Variants in PROM1 observed in about 807,000 individuals in gnomAD.
PROM1 encodes prominin-1.
A neutral mutation model predicts 116.9 loss-of-function variants in PROM1; 105 were observed. The observed-to-expected ratio is 0.90, with a 90% confidence interval of 0.77 to 1.06. PROM1 has a LOEUF of 1.06. Among genes scored for constraint, PROM1 ranks in the 50% least tolerant of loss-of-function variants. PROM1 has a pLI of 0.00. For synonymous variants in PROM1, 393 were observed against 387.0 expected, an observed-to-expected ratio of 1.02 and a Z score of -0.18; for missense variants, 1,122 against 1,045.2, an observed-to-expected ratio of 1.07 and a Z score of -1.01.
chr4:16,078,528 C>G (rs1744416573), intron 1 of PROM1, among the ~76,000 whole-genome samples: 1 of 152,322 alleles, frequency 6.6e-6, no homozygotes, highest in East Asian at 1.9e-4. Flanking sequence ...CTAGGCAAAT[C>G]AGCACAGAAC....
chr4:16,000,260 G>A (rs906891364), intron 14 of PROM1, among the ~76,000 whole-genome samples: 13 of 152,006 alleles, frequency 8.6e-5, no homozygotes, highest in African/African-American at 1.4e-4. Flanking sequence ...CCCTGATTTC[G>A]CTTATGATCA....
chr4:16,040,642 A>T (rs1735001955), intron 2 of PROM1, among the ~76,000 whole-genome samples: 1 of 152,266 alleles, frequency 6.6e-6, no homozygotes, highest in Admixed American at 6.5e-5. Context: ...ATCTTAGGTG[A>T]ATAACTGCTA....
chr4:16,009,219 G>T (rs1292510719), intron 11 of PROM1, 111 bp from the exon 12 acceptor site: 8 of 856,000 alleles, frequency 9.3e-6, no homozygotes, highest in Non-Finnish European at 1.5e-5. Context: ...CTCATGTCAT[G>T]TATGTGTTTA....
intron 2 of PROM1, among the ~76,000 whole-genome samples, chr4:16,048,832 G>C (rs905330799): frequency 3.9e-5 from 6 of 152,184 alleles, no homozygotes; most frequent in Non-Finnish European, 7.3e-5. Context: ...TCACAGCCAC[G>C]TGTGGACTGT....
At chr4:15,975,201 C>A (rs1715804306) in intron 26 of PROM1, among the ~76,000 whole-genome samples, 1 of 152,142 alleles carries the variant, frequency 6.6e-6, no homozygotes, top group African/African-American at 2.4e-5. Flanking sequence ...CCCTCACAAC[C>A]CTACGCAAAC....
intron 1 of PROM1, among the ~76,000 whole-genome samples, chr4:16,079,583 G>A (rs899616779): frequency 1.3e-5 from 2 of 152,136 alleles, no homozygotes; most frequent in African/African-American, 2.4e-5. Flanking sequence ...CACTAGGTCC[G>A]AGAGCCACTG....
chr4:16,016,117 C>T (rs1011267711), intron 10 of PROM1, 49 bp downstream of exon 10: 36 of 1,455,558 alleles, frequency 2.5e-5, no homozygotes, highest in Non-Finnish European at 3.4e-5. Flanking sequence ...ACTAGTCCAC[C>T]CTTTAAAATG....
At chr4:16,066,953 G>A (rs1011698551) in intron 2 of PROM1, among the ~76,000 whole-genome samples, 1 of 152,188 alleles carries the variant, frequency 6.6e-6, no homozygotes, top group African/African-American at 2.4e-5. Context: ...ATTTCAGAGG[G>A]ACTTTGTAGG....
chr4:16,016,522 C>T (rs1728437966), intron 9 of PROM1, among the ~76,000 whole-genome samples: 1 of 152,166 alleles, frequency 6.6e-6, no homozygotes, highest in East Asian at 1.9e-4. Flanking sequence ...TTCACAACTT[C>T]AAATACTAAA....
intron 2 of PROM1, among the ~76,000 whole-genome samples, chr4:16,039,749 C>A (rs561552689): frequency 1.3e-5 from 2 of 151,750 alleles, no homozygotes; most frequent in East Asian, 3.9e-4. Flanking sequence ...AACTCGAGTT[C>A]TTAACATGGG....
At chr4:15,986,107 G>T in intron 20 of PROM1, 70 bp from the exon 21 acceptor site, 2 of 1,142,278 alleles carry the variant, frequency 1.8e-6, no homozygotes, top group South Asian at 1.4e-5. Context: ...TTTGCATATT[G>T]ATTCAAGTAC....
intron 26 of PROM1, among the ~76,000 whole-genome samples, chr4:15,974,118 T>C (rs201550694): frequency 6.7e-5 from 10 of 149,474 alleles, no homozygotes; most frequent in African/African-American, 1.5e-4. Flanking sequence ...CTCTCTCTCT[T>C]TCTCTCTCTC....
chr4:16,043,254 T>A (rs1735755796), intron 2 of PROM1, among the ~76,000 whole-genome samples: 1 of 152,136 alleles, frequency 6.6e-6, no homozygotes, highest in South Asian at 2.1e-4. Context: ...CAACAGATAA[T>A]CCAGCTTCAG....
At chr4:15,987,627 C>A (rs761767481) in intron 20 of PROM1, 36 bp downstream of exon 20, 2 of 1,584,286 alleles carry the variant, frequency 1.3e-6, no homozygotes, top group East Asian at 2.3e-5. Context: ...TATTTTATAA[C>A]AAAACCCCAT....
chr4:16,082,236 T>C (rs1745177264), intron 1 of PROM1: 1 of 151,850 alleles, frequency 6.6e-6, no homozygotes, highest in Non-Finnish European at 1.5e-5. Flanking sequence ...ATGAGTAACA[T>C]CACACAAGTT....
chr4:15,970,682 G>T (rs1037777826), intron 27 of PROM1, among the ~76,000 whole-genome samples: 1 of 151,934 alleles, frequency 6.6e-6, no homozygotes, highest in South Asian at 2.1e-4. Flanking sequence ...TTCCAGGACC[G>T]CTACACACAT....
intron 14 of PROM1, among the ~76,000 whole-genome samples, chr4:16,000,044 A>G (rs1034521144): frequency 1.3e-5 from 2 of 152,228 alleles, no homozygotes; most frequent in African/African-American, 4.8e-5. Flanking sequence ...GCCACGAGTC[A>G]TCCGCTTATC....
At chr4:16,048,756 G>A (rs1486240141) in intron 2 of PROM1, among the ~76,000 whole-genome samples, 4 of 152,130 alleles carry the variant, frequency 2.6e-5, no homozygotes, top group Admixed American at 1.3e-4. Context: ...CATGCTGCCC[G>A]GGAAGCTATT....
chr4:16,020,889 C>G (rs1354887235), intron 8 of PROM1, among the ~76,000 whole-genome samples: 1 of 152,220 alleles, frequency 6.6e-6, no homozygotes, highest in East Asian at 1.9e-4. Context: ...TCCAGGCCCA[C>G]CAGGATCATA....
Sources: gnomAD v4.1 joint callset for allele counts (sites outside exome capture counted in the v4.1 genomes callset) on GRCh38, gnomAD v4.1.1 for gene constraint, MANE v1.5 for transcripts, NCBI Gene and HGNC (gene_info 2026-07-23, HGNC 2026-07-21) for gene names.